The following USP36 variants were observed in gnomAD, a reference collection of about 807,000 sequenced individuals.
USP36 encodes ubiquitin specific peptidase 36.
A neutral mutation model predicts 111.5 loss-of-function variants in USP36; 59 were observed. That is an observed-to-expected ratio of 0.53 (90% CI 0.43 to 0.66). The LOEUF (loss-of-function observed/expected upper bound fraction) is 0.66. USP36 is among the 30% of genes least tolerant of loss of function. The pLI is 0.00. For synonymous variants in USP36, 628 were observed against 581.0 expected (o/e 1.08, Z -1.16); for missense variants, 1,488 against 1,468.0 (o/e 1.01, Z -0.22).
intron 4 of USP36, among the ~76,000 whole-genome samples, chr17:78,833,768 A>G (rs2068378127): frequency 6.6e-6 from 1 of 152,198 alleles, no homozygotes. Context: ...GTCATTTGGT[A>G]GTATTTTCCT....
intron 4 of USP36, among the ~76,000 whole-genome samples, chr17:78,833,211 T>C (rs981461856): frequency 6.6e-6 from 1 of 152,218 alleles, no homozygotes; most frequent in East Asian, 1.9e-4. Flanking sequence ...AATTAACCTT[T>C]GCTGCTATGA....
chr17:78,820,407 G>A (rs917248691), intron 8 of USP36, among the ~76,000 whole-genome samples: 2 of 152,118 alleles, frequency 1.3e-5, no homozygotes, highest in Non-Finnish European at 2.9e-5. Context: ...ACACTACAGT[G>A]AGCTATGATT....
intron 2 of USP36, among the ~76,000 whole-genome samples, chr17:78,837,063 A>G (rs980977282): frequency 1.3e-5 from 2 of 152,226 alleles, no homozygotes; most frequent in African/African-American, 4.8e-5. Flanking sequence ...TAATTTTTAG[A>G]TCAGTTACCT....
At chr17:78,822,943 G>A (rs988482627) in intron 6 of USP36, among the ~76,000 whole-genome samples, 12 of 152,038 alleles carry the variant, frequency 7.9e-5, no homozygotes, top group Admixed American at 2.0e-4. Flanking sequence ...CTCCAGCCCC[G>A]TCTCCCCAGC....
rs968867639 is a variant in USP36, at chr17:78,834,997, G to GTGTGTATATATATATATATATATATATA, written c.475+282_475+283insTATATATATATATATATATATATACACA. Among the ~76,000 whole-genome samples the GTGTGTATATATATATATATATATATATA allele has an allele frequency of 2.1e-4, 29 of 141,428 alleles. 1 individual carries two copies. The highest frequency in any genetic ancestry group is 7.8e-4 in the African/African-American group (28 of 35,846). The allele number at this position is 141,428 out of a possible 152,430, so 92.8% of individuals were successfully genotyped here. On this transcript the variant is annotated intron_variant, in intron 4 of 20. Coordinates refer to ENST00000449938, the MANE Select transcript of USP36 (RefSeq NM_001385174.1). ...TACTGTCTCTAAAAAAATAATATTTGTATATATATATATATATATATTTTG... is the reference window on the plus strand; with the variant it reads ...TACTGTCTCTAAAAAAATAATATTTGTGTGTATATATATATATATATATATATATATATATATATATATATATATTTTG...
chr17:78,792,030 CT>C (rs1163983335), downstream of USP36: 1 of 152,160 alleles, frequency 6.6e-6, no homozygotes, highest in Non-Finnish European at 1.5e-5. Context: ...ATGCAACAGG[CT>C]CACATCTTAG....
At chr17:78,800,753 A>T (rs547016731) in intron 17 of USP36, among the ~76,000 whole-genome samples, 1 of 152,234 alleles carries the variant, frequency 6.6e-6, no homozygotes, top group Admixed American at 6.5e-5. Context: ...TGCGGCCCCC[A>T]GCGCCTCCTT....
chr17:78,827,621 G>A (rs1055202897), intron 5 of USP36, among the ~76,000 whole-genome samples: 4 of 152,124 alleles, frequency 2.6e-5, no homozygotes, highest in East Asian at 1.9e-4. Flanking sequence ...GTAAAATGCC[G>A]GCTGGGTGAG....
intron 5 of USP36, 64 bp from the exon 6 acceptor site, chr17:78,827,411 T>C: frequency 1.3e-6 from 2 of 1,502,392 alleles, no homozygotes; most frequent in South Asian, 2.5e-5. Context: ...CTGCGGCTGC[T>C]TTCCTGAATG....
chr17:78,806,023 CT>C (rs2093889993), intron 15 of USP36, 132 bp downstream of exon 15: 2 of 1,490,520 alleles, frequency 1.3e-6, no homozygotes, highest in South Asian at 1.2e-5. Context: ...TGACGCCCCC[CT>C]GTACCTCCTG....
chr17:78,824,015 T>G (rs117313714), intron 6 of USP36, among the ~76,000 whole-genome samples: 14 of 152,286 alleles, frequency 9.2e-5, no homozygotes, highest in East Asian at 5.8e-4. Flanking sequence ...ACAGACATGA[T>G]GCCAAGGACA....
At chr17:78,804,961 C>G (rs1190956582) in intron 15 of USP36, among the ~76,000 whole-genome samples, 2 of 151,982 alleles carry the variant, frequency 1.3e-5, no homozygotes, top group Non-Finnish European at 2.9e-5. Flanking sequence ...CTAATGACAC[C>G]TCCACATTAC....
At chr17:78,805,101 T>C (rs906252770) in intron 15 of USP36, among the ~76,000 whole-genome samples, 2 of 152,056 alleles carry the variant, frequency 1.3e-5, no homozygotes, top group Non-Finnish European at 2.9e-5. Flanking sequence ...CTAGGAAAAT[T>C]AACTTCCCAC....
intron 2 of USP36, among the ~76,000 whole-genome samples, chr17:78,836,607 G>A (rs1158338994): frequency 6.6e-6 from 1 of 152,102 alleles, no homozygotes; most frequent in Non-Finnish European, 1.5e-5. Flanking sequence ...AAATAGAGGT[G>A]AGCAGACAAC....
At chr17:78,799,544 T>C in intron 18 of USP36, 123 bp downstream of exon 18, 1 of 834,314 alleles carries the variant, frequency 1.2e-6, no homozygotes, top group Middle Eastern at 2.2e-4. Flanking sequence ...CCTCTTCCCA[T>C]TCTCAAAGCC....
chr17:78,821,291 G>A (rs979282055), intron 7 of USP36: 3 of 451,318 alleles, frequency 6.6e-6, no homozygotes, highest in African/African-American at 6.1e-5. Context: ...TCCCTGCCTG[G>A]ACTGCTGACC....
Position 78,835,350 on chromosome 17 carries a change from G to A in USP36, c.405C>T (p.Ala135=), listed in dbSNP as rs1202936552. 1 of 1,614,224 alleles carries A rather than the reference G, an allele frequency of 6.2e-7. No individual in the cohort carries two copies. Among genetic ancestry groups the A allele is most frequent in the Admixed American group, 1.7e-5 (1 of 60,034 alleles). Residue 135 remains alanine (A), a synonymous_variant, in exon 4 of 21, where the codon GCC becomes GCT. Transcript: ENST00000449938. ...HNLGNTCFLN[A]TIQCLTYTPP... ...GTGTGTAGGTCAAGCACTGGATGGT[G>A]GCATTGAGAAAGCAGGTGTTGCCAA...
Position 78,827,320 on chromosome 17 carries a change from T to C in USP36, c.614A>G (p.Asn205Ser). Reference protein sequence around the residue: ...KKIARHFRFGNQEDAHEFLRY... With the variant: ...KKIARHFRFGSQEDAHEFLRY... ...CAGGAACTCATGCGCGTCCTCCTGG[T>C]TCCCAAAGCGGAAGTGTCGGGCGAT... Residue 205 changes from asparagine (N) to serine (S), a missense_variant, in exon 6 of 21, where the codon AAC (asparagine) becomes AGC (serine). Transcript: ENST00000449938. The C allele has an allele frequency of 1.2e-6, 2 of 1,613,118 alleles. No homozygotes were observed. The highest frequency in any genetic ancestry group is 1.3e-5 in the African/African-American group (1 of 75,024).
chr17:78,822,962 C>T (rs1216063658), intron 6 of USP36, among the ~76,000 whole-genome samples: 2 of 152,158 alleles, frequency 1.3e-5, no homozygotes, highest in African/African-American at 2.4e-5. Context: ...GCTGCTTCCC[C>T]GACTCCTCAC....
Sources: gnomAD v4.1 joint callset for allele counts (sites outside exome capture counted in the v4.1 genomes callset) on GRCh38, gnomAD v4.1.1 for gene constraint, MANE v1.5 for transcripts, NCBI Gene and HGNC (gene_info 2026-07-23, HGNC 2026-07-21) for gene names.